Variants in CRY2 observed in about 807,000 individuals in gnomAD.
CRY2 encodes the protein cryptochrome-2.
A neutral mutation model predicts 69.5 loss-of-function variants in CRY2; 31 were observed. The observed-to-expected ratio is 0.45, with a 90% CI of 0.34 to 0.60. The LOEUF is 0.60. Ranked by LOEUF, CRY2 falls within the 20% of genes least tolerant of loss-of-function variation. The probability of loss-of-function intolerance (pLI) is 0.02; values close to 1 mark genes in which losing one functional copy is unlikely to be tolerated. For missense variants in CRY2, 606 were observed against 797.8 expected (o/e 0.76, Z 2.90); for synonymous variants, 303 against 312.2 (o/e 0.97, Z 0.31).
chr11:45,882,515 A>G lies in CRY2; in HGVS notation c.*1604A>G. The G allele has an allele frequency of 5.0e-6, 2 of 398,416 alleles. No homozygotes were observed. Among genetic ancestry groups the G allele is most frequent in the Non-Finnish European group, 4.4e-6 (1 of 225,988 alleles). The allele number at this position is 398,416 out of a possible 1,614,324, so 24.7% of individuals were successfully genotyped here. A position where few individuals can be genotyped will look rare whatever the true frequency, so the allele number is the denominator to read the frequency against. On this transcript the variant is annotated 3_prime_UTR_variant, in exon 12 of 12. Transcript: ENST00000616080. The stretch of plus-strand genomic sequence containing the variant: ...TCTCCTGTAGCTGTCCATCACACTG[A>G]CAGGCTTCTTCCTGAGATATCCTCA...
chr11:45,851,987 T>C (rs1279972624), intron 1 of CRY2, among the ~76,000 whole-genome samples: 3 of 152,240 alleles, frequency 2.0e-5, no homozygotes, highest in Admixed American at 6.5e-5. Context: ...AGAGAAGGCC[T>C]TCCCTAAATA....
At position 45,861,023 on chromosome 11, in the gene CRY2, G is replaced by A. The variant is rs780161254; in HGVS notation, c.643G>A (p.Glu215Lys). ...CGAGACCTACGGCGTGCCCTCCCTG[G>A]AGGAGCTGGGTGCGTACTTCCTGCC... is the stretch of plus-strand genomic sequence containing the variant. ...HDETYGVPSL[E>K]ELGFPTEGLG... is the part of the protein sequence containing the mutation. The change falls in exon 4 of 12, where the codon GAG becomes AAG. Residue 215 changes from glutamate to lysine, a missense_variant. By Grantham distance (56) the Glu-to-Lys change is moderately conservative. This residue lies in a region of CRY2 where 382 missense variants were observed against 508.9 expected (regional missense o/e 0.75). Transcript: ENST00000616080. 46 of 1,612,190 alleles carry A rather than the reference G, an allele frequency of 2.9e-5. No homozygotes were observed. The highest frequency in any genetic ancestry group is 5.0e-5 in the Admixed American group (3 of 59,960).
intron 3 of CRY2, among the ~76,000 whole-genome samples, chr11:45,860,386 TAAA>T (rs34068985): frequency 4.6e-5 from 6 of 130,454 alleles, no homozygotes; most frequent in African/African-American, 5.7e-5. Flanking sequence ...ATGTTAGAGT[TAAA>T]AAAAAAAAAA....
intron 1 of CRY2, among the ~76,000 whole-genome samples, chr11:45,854,605 C>G (rs1048644252): frequency 4.6e-5 from 7 of 152,222 alleles, no homozygotes; most frequent in Admixed American, 2.6e-4. Flanking sequence ...AGGAGAATCG[C>G]TTGAACCTGG....
upstream of CRY2, chr11:45,847,143 A>G (rs2086154589): frequency 6.5e-7 from 1 of 1,533,646 alleles, no homozygotes; most frequent in Non-Finnish European, 8.8e-7. Flanking sequence ...CAGGCCCTGA[A>G]CAGGACGTGG....
intron 5 of CRY2, chr11:45,867,315 T>C: frequency 2.8e-6 from 1 of 361,934 alleles, no homozygotes; most frequent in East Asian, 4.7e-5. Flanking sequence ...CATATCTCAT[T>C]TTAATCCACA....
chr11:45,862,143 C>T lies in CRY2; in HGVS notation c.736C>T (p.Arg246Trp), dbSNP rs751642703. The change falls in exon 5 of 12, where the codon CGG becomes TGG. Residue 246 changes from arginine to tryptophan, a missense_variant. This residue lies in a region of CRY2 where 382 missense variants were observed against 508.9 expected (regional missense o/e 0.75). Coordinates refer to ENST00000616080, the MANE Select transcript of CRY2 (RefSeq NM_021117.5). ...ALARLDKHLERKAWVANYERP... is the reference protein window; with the variant it reads ...ALARLDKHLEWKAWVANYERP... ...GGCCCGCCTGGATAAGCACTTGGAA[C>T]GGAAGGTATGGGCCGTTTCTGAGAC... The T allele has an allele frequency of 8.7e-6, 14 of 1,613,258 alleles. No homozygotes were observed. The highest frequency in any genetic ancestry group is 2.2e-5 in the South Asian group (2 of 90,960).
At chr11:45,869,485 T>A in intron 6 of CRY2, 21 bp from the exon 7 acceptor site, 1 of 1,588,082 alleles carries the variant, frequency 6.3e-7, no homozygotes, top group Non-Finnish European at 8.6e-7. Flanking sequence ...TTTGTATCCA[T>A]GTGCCACCCC....
intron 1 of CRY2, among the ~76,000 whole-genome samples, chr11:45,850,955 G>C (rs914631375): frequency 1.3e-5 from 2 of 151,642 alleles, no homozygotes; most frequent in Non-Finnish European, 2.9e-5. Flanking sequence ...TTAGCAAGAA[G>C]AAGCCTAGCA....
intron 5 of CRY2, among the ~76,000 whole-genome samples, chr11:45,863,117 A>G (rs1172898354): frequency 6.6e-6 from 1 of 152,204 alleles, no homozygotes; most frequent in African/African-American, 2.4e-5. Context: ...CGATGTTTCT[A>G]CCTGGTTGTT....
intron 10 of CRY2, 60 bp from the exon 11 acceptor site, chr11:45,872,032 T>C (rs1430182093): frequency 2.5e-6 from 4 of 1,598,816 alleles, no homozygotes; most frequent in Non-Finnish European, 3.4e-6. Flanking sequence ...TGCTGCATAG[T>C]GTGGGATCAT....
At chr11:45,870,029 C>T (rs750109111) in intron 7 of CRY2, 24 bp from the exon 8 acceptor site, 3 of 1,571,894 alleles carry the variant, frequency 1.9e-6, no homozygotes. Flanking sequence ...CCCAAGGAGG[C>T]TGATCATCCC....
At chr11:45,879,005 G>A (rs1259987300) in intron 11 of CRY2, among the ~76,000 whole-genome samples, 2 of 150,490 alleles carry the variant, frequency 1.3e-5, no homozygotes, top group Non-Finnish European at 2.9e-5. Flanking sequence ...TGAAGTGGGT[G>A]GATCACCTGA....
At chr11:45,867,435 C>T (rs2086339688) in intron 5 of CRY2, 177 bp from the exon 6 acceptor site, 2 of 685,754 alleles carry the variant, frequency 2.9e-6, no homozygotes, top group Non-Finnish European at 2.4e-6. Flanking sequence ...GACATAGACT[C>T]GTTGTTTGGT....
chr11:45,870,396 G>A lies in CRY2; in HGVS notation c.1413G>A (p.Glu471=). 2 of 1,614,254 alleles carry A rather than the reference G, an allele frequency of 1.2e-6. No homozygotes were observed. Among genetic ancestry groups the A allele is most frequent in the South Asian group, 1.1e-5 (1 of 91,086 alleles). The part of the protein sequence containing the change: ...RYIYEPWNAP[E]SIQKAAKCII... The stretch of plus-strand genomic sequence containing the variant: ...TCTATGAGCCCTGGAATGCCCCAGA[G>A]TCAATTCAGAAGGCAGCCAAGTGCA... Residue 471 remains glutamate, a synonymous_variant, in exon 9 of 12, where the codon GAG becomes GAA. Transcript: ENST00000616080.
chr11:45,873,440 C>T (rs888745183), intron 11 of CRY2, among the ~76,000 whole-genome samples: 4 of 152,218 alleles, frequency 2.6e-5, no homozygotes, highest in Admixed American at 1.3e-4. Flanking sequence ...GGAGTACCAG[C>T]AACCTACTAC....
intron 1 of CRY2, among the ~76,000 whole-genome samples, chr11:45,853,811 T>C (rs2086216596): frequency 6.6e-6 from 1 of 152,268 alleles, no homozygotes; most frequent in South Asian, 2.1e-4. Context: ...AGTGACGCAC[T>C]TGCAGCTCCC....
At chr11:45,855,838 G>A in intron 1 of CRY2, 144 bp from the exon 2 acceptor site, 7 of 737,194 alleles carry the variant, frequency 9.5e-6, no homozygotes, top group Non-Finnish European at 1.7e-5. Context: ...TCCCTCCTGG[G>A]CTGGAACCCA....
chr11:45,858,548 C>T (rs181385105), intron 2 of CRY2, among the ~76,000 whole-genome samples, 183 bp from the exon 3 acceptor site: 1 of 152,362 alleles, frequency 6.6e-6, no homozygotes, highest in African/African-American at 2.4e-5. Flanking sequence ...TGCCTGCCCT[C>T]CTCAAACTTT....
Sources: allele counts gnomAD v4.1 joint callset (sites outside exome capture counted in the v4.1 genomes callset), GRCh38; gene constraint gnomAD v4.1.1; regional missense constraint gnomAD v4.1.1; transcripts MANE v1.5; gene names NCBI Gene and HGNC (gene_info 2026-07-23, HGNC 2026-07-21).